The following PRKD1 variants were observed in gnomAD, a reference collection of about 807,000 sequenced individuals.
PRKD1 encodes the protein protein kinase D1.
In PRKD1, 63 loss-of-function variants were observed where a neutral mutation model predicts 95.9. That is an observed-to-expected ratio of 0.66 (90% CI 0.54 to 0.81). PRKD1 has a LOEUF of 0.81. PRKD1 is among the 30% of genes least tolerant of loss of function. The pLI is 0.00. For synonymous variants in PRKD1, 425 were observed against 423.1 expected (o/e 1.00, Z -0.05); for missense variants, 1,048 against 1,165.3 (o/e 0.90, Z 1.47).
Position 29,782,011 on chromosome 14 carries a change from T to C in PRKD1, c.265-56337A>G, listed in dbSNP as rs45564933. Among the ~76,000 whole-genome samples, 637 of 152,320 alleles carry C rather than the reference T, an allele frequency of 4.2e-3. 1 individual carries two copies. The highest frequency in any genetic ancestry group is 0.014 in the African/African-American group (592 of 41,578). On this transcript the variant is annotated intron_variant, in intron 1 of 17. Coordinates refer to ENST00000331968, the MANE Select transcript of PRKD1 (RefSeq NM_002742.3). Reference sequence around the variant, plus strand: ...GTCAAGAATATCCATATTACATGTATACCCAGATGTGCATCTACAATATAT... The same window carrying C: ...GTCAAGAATATCCATATTACATGTACACCCAGATGTGCATCTACAATATAT...
chr14:29,874,246 A>G (rs57367036), intron 1 of PRKD1, among the ~76,000 whole-genome samples: 3,633 of 152,306 alleles, frequency 0.024, 136 homozygotes, highest in African/African-American at 0.082. Flanking sequence ...ATCACTAAGC[A>G]TCAGGGAAAT....
chr14:29,636,558 G>A, intron 6 of PRKD1, 64 bp from the exon 7 acceptor site: 1 of 1,528,872 alleles, frequency 6.5e-7, no homozygotes, highest in Non-Finnish European at 9.0e-7. Flanking sequence ...TTAAGAGACA[G>A]TCAGGTGATC....
intron 1 of PRKD1, among the ~76,000 whole-genome samples, chr14:29,829,155 G>T (rs1056108889): frequency 1.3e-5 from 2 of 152,118 alleles, no homozygotes; most frequent in Non-Finnish European, 2.9e-5. Context: ...CTTTGGATGA[G>T]TCCAGCCCCA....
At chr14:29,730,490 T>C (rs1248100605) in intron 1 of PRKD1, among the ~76,000 whole-genome samples, 7 of 152,170 alleles carry the variant, frequency 4.6e-5, no homozygotes. Flanking sequence ...AACTACCATA[T>C]GATCCAGCAA....
intron 1 of PRKD1, among the ~76,000 whole-genome samples, chr14:29,811,516 G>A: frequency 6.6e-6 from 1 of 152,202 alleles, no homozygotes; most frequent in South Asian, 2.1e-4. Context: ...TGAGAAGTTT[G>A]CCCCACTGAG....
intron 2 of PRKD1, among the ~76,000 whole-genome samples, chr14:29,711,154 G>A (rs111949122): frequency 0.028 from 4,275 of 152,170 alleles, 65 homozygotes; most frequent in African/African-American, 0.036. Context: ...TTACACATTT[G>A]TCCTAGGTGG....
At chr14:29,802,986 G>A (rs1031976724) in intron 1 of PRKD1, among the ~76,000 whole-genome samples, 2 of 152,198 alleles carry the variant, frequency 1.3e-5, no homozygotes, top group Non-Finnish European at 2.9e-5. Context: ...TGAAGTTTCT[G>A]GAACTTAAAA....
chr14:29,827,345 T>C (rs1386318085), intron 1 of PRKD1, among the ~76,000 whole-genome samples: 1 of 152,098 alleles, frequency 6.6e-6, no homozygotes, highest in East Asian at 1.9e-4. Context: ...TATTACTATC[T>C]ACTCTTTTGC....
chr14:29,767,421 C>G (rs1006613929), intron 1 of PRKD1, among the ~76,000 whole-genome samples: 2 of 152,194 alleles, frequency 1.3e-5, no homozygotes, highest in South Asian at 4.1e-4. Context: ...GTGTCAGTTG[C>G]CCCGTGGTTA....
chr14:29,771,405 T>G (rs1323457212), intron 1 of PRKD1, among the ~76,000 whole-genome samples: 1 of 152,164 alleles, frequency 6.6e-6, no homozygotes, highest in Non-Finnish European at 1.5e-5. Context: ...GCCTCAAGTC[T>G]CTGCCTCCCA....
intron 1 of PRKD1, among the ~76,000 whole-genome samples, chr14:29,802,310 AAAGG>A: frequency 6.6e-6 from 1 of 152,340 alleles, no homozygotes; most frequent in East Asian, 1.9e-4. Flanking sequence ...ATAGATTAAG[AAAGG>A]AAGAAGACAA....
At chr14:29,614,605 T>C (rs942540191) in intron 13 of PRKD1, among the ~76,000 whole-genome samples, 3 of 152,118 alleles carry the variant, frequency 2.0e-5, no homozygotes, top group African/African-American at 7.2e-5. Flanking sequence ...TATAGTTATA[T>C]AAGTAATAAG....
At chr14:29,663,382 T>A (rs1882298613) in intron 4 of PRKD1, among the ~76,000 whole-genome samples, 1 of 152,008 alleles carries the variant, frequency 6.6e-6, no homozygotes, top group Admixed American at 6.6e-5. Context: ...ACATTTTGTA[T>A]CTCTCTGGTT....
At chr14:29,640,061 C>T (rs1880660089) in intron 4 of PRKD1, among the ~76,000 whole-genome samples, 1 of 152,102 alleles carries the variant, frequency 6.6e-6, no homozygotes, top group Non-Finnish European at 1.5e-5. Context: ...TTATGTATCT[C>T]ATTTATATAT....
intron 1 of PRKD1, among the ~76,000 whole-genome samples, chr14:29,786,923 GTTGT>G (rs1889300131): frequency 6.6e-6 from 1 of 151,468 alleles, no homozygotes; most frequent in Admixed American, 6.6e-5. Context: ...GCATCACTAG[GTTGT>G]TTATTTGAAA....
intron 1 of PRKD1, among the ~76,000 whole-genome samples, chr14:29,776,489 G>A (rs911979966): frequency 1.3e-5 from 2 of 152,216 alleles, no homozygotes; most frequent in South Asian, 2.1e-4. Flanking sequence ...CAAGAACTAC[G>A]GGACGCATGC....
At position 29,666,204 on chromosome 14, in the gene PRKD1, G is replaced by T; in HGVS notation, c.408C>A (p.Ser136=). The T allele has an allele frequency of 6.3e-7, 1 of 1,588,904 alleles. No homozygotes were observed. The highest frequency in any genetic ancestry group is 1.2e-5 in the South Asian group (1 of 86,944). ...GDLIEVVLSA[S]ATFEDFQIRP... is the part of the protein sequence containing the mutation. Reference sequence around the variant, plus strand: ...GAATCTGAAAGTCTTCAAAGGTGGCGGAAGCTGTAAAAATAGTGATGTTGA... The same window carrying T: ...GAATCTGAAAGTCTTCAAAGGTGGCTGAAGCTGTAAAAATAGTGATGTTGA... Residue 136 remains serine (S), a synonymous_variant, in exon 3 of 18, where the codon TCC becomes TCA. Transcript: ENST00000331968.
intron 1 of PRKD1, among the ~76,000 whole-genome samples, chr14:29,912,807 T>C (rs994145199): frequency 3.9e-5 from 6 of 152,252 alleles, no homozygotes; most frequent in Admixed American, 3.9e-4. Flanking sequence ...GTCACCCTTC[T>C]GCATCTAAGT....
At chr14:29,734,999 T>A (rs996220149) in intron 1 of PRKD1, among the ~76,000 whole-genome samples, 1 of 152,194 alleles carries the variant, frequency 6.6e-6, no homozygotes, top group Non-Finnish European at 1.5e-5. Context: ...TTCTGAGGGA[T>A]CACGTTACTG....
Sources: allele counts gnomAD v4.1 joint callset (sites outside exome capture counted in the v4.1 genomes callset), GRCh38; gene constraint gnomAD v4.1.1; transcripts MANE v1.5; gene names NCBI Gene and HGNC (gene_info 2026-07-23, HGNC 2026-07-21).